Variants in CTNND2 observed in about 807,000 individuals in gnomAD.
CTNND2 encodes catenin delta 2.
CTNND2 carries 22 observed loss-of-function variants against 144.4 expected under a neutral mutation model. The observed-to-expected ratio is 0.15, with a 90% CI of 0.11 to 0.22. The LOEUF (loss-of-function observed/expected upper bound fraction) is 0.22, where lower values mean the gene tolerates loss of function less well. CTNND2 is among the 10% of genes least tolerant of loss of function. CTNND2 has a pLI of 1.00. For synonymous variants in CTNND2, 751 were observed against 695.6 expected, an observed-to-expected ratio of 1.08 and a Z score of -1.25; for missense variants, 1,353 against 1,618.8, an observed-to-expected ratio of 0.84 and a Z score of 2.82.
Position 11,381,063 on chromosome 5 carries a change from GTTCT to G in CTNND2, c.1177+3598_1177+3601del, listed in dbSNP as rs1383412542. ...GTTGTTGGGTGGGTGGCATCCTTGA[GTTCT>G]TTTTCTCTTACCTTCATCACCTAGT... On this transcript the variant is annotated intron_variant, in intron 7 of 21. Transcript: ENST00000304623. Among the ~76,000 whole-genome samples, 15 of 152,218 alleles carry G rather than the reference GTTCT, an allele frequency of 9.9e-5. 1 individual carries two copies. In the Middle Eastern group the frequency reaches 0.01, roughly 104 times the overall value.
intron 12 of CTNND2, among the ~76,000 whole-genome samples, chr5:11,144,277 C>T (rs534344496): frequency 6.6e-6 from 1 of 152,308 alleles, no homozygotes; most frequent in South Asian, 2.1e-4. Flanking sequence ...TAGTCCTAAA[C>T]TTGGGAGAAG....
intron 18 of CTNND2, among the ~76,000 whole-genome samples, chr5:10,994,377 C>G (rs888666368): frequency 1.9e-3 from 11 of 5,886 alleles, no homozygotes; most frequent in East Asian, 9.7e-3. Context: ...GAGGAAGGGG[C>G]CGGGGAAAGA....
chr5:11,030,013 G>A (rs1360236788), intron 16 of CTNND2, among the ~76,000 whole-genome samples: 1 of 150,450 alleles, frequency 6.6e-6, no homozygotes, highest in Non-Finnish European at 1.5e-5. Flanking sequence ...CACTTCTGCT[G>A]GACATAGGAT....
chr5:11,005,096 T>C (rs1460857838), intron 18 of CTNND2, among the ~76,000 whole-genome samples: 1 of 152,214 alleles, frequency 6.6e-6, no homozygotes, highest in African/African-American at 2.4e-5. Flanking sequence ...AGGAAGTTTT[T>C]CTGGAGGGTG....
At chr5:11,003,617 G>A (rs1740185905) in intron 18 of CTNND2, among the ~76,000 whole-genome samples, 1 of 152,200 alleles carries the variant, frequency 6.6e-6, no homozygotes, top group African/African-American at 2.4e-5. Flanking sequence ...GACCAAGCCA[G>A]ATTTTGCTTA....
intron 15 of CTNND2, among the ~76,000 whole-genome samples, chr5:11,097,951 T>G (rs1751516482): frequency 6.6e-6 from 1 of 152,200 alleles, no homozygotes; most frequent in African/African-American, 2.4e-5. Context: ...ATGGTGAATC[T>G]CTTTTTGCCC....
intron 7 of CTNND2, among the ~76,000 whole-genome samples, chr5:11,377,875 A>G (rs938735917): frequency 2.6e-5 from 4 of 152,192 alleles, no homozygotes; most frequent in African/African-American, 7.2e-5. Flanking sequence ...TAGAGGTGCT[A>G]TATCAAATGA....
Position 11,117,467 on chromosome 5 carries a change from T to C in CTNND2, c.2260A>G (p.Ser754Gly). The change falls in exon 13 of 22, where the codon AGT becomes GGT. Residue 754 changes from serine (S) to glycine (G), a missense_variant. Ser to Gly is a moderately conservative substitution (Grantham distance 56). This residue lies in a region of CTNND2 where 459 missense variants were observed against 674.3 expected (regional missense o/e 0.68). Transcript: ENST00000304623. The part of the protein sequence containing the change: ...LYVIQSALGS[S>G]EIDSKTVENC... ...CAACCAACCTTGCTATCGATCTCAC[T>C]GCTCCCCAGCGCAGACTGGATCACG... The C allele has an allele frequency of 6.2e-7, 1 of 1,614,004 alleles. No homozygotes were observed. The highest frequency in any genetic ancestry group is 8.5e-7 in the Non-Finnish European group (1 of 1,179,878).
At chr5:11,506,471 T>A (rs1194383886) in intron 3 of CTNND2, among the ~76,000 whole-genome samples, 2 of 152,150 alleles carry the variant, frequency 1.3e-5, no homozygotes, top group Non-Finnish European at 2.9e-5. Context: ...GATGAACAAG[T>A]CTGGAGAGGA....
chr5:11,302,698 C>T (rs1441877808), intron 9 of CTNND2, among the ~76,000 whole-genome samples: 1 of 152,166 alleles, frequency 6.6e-6, no homozygotes, highest in Non-Finnish European at 1.5e-5. Context: ...AGGACAATTT[C>T]AAGATGTGAC....
chr5:11,661,269 A>G (rs1468062655), intron 2 of CTNND2, among the ~76,000 whole-genome samples: 1 of 152,204 alleles, frequency 6.6e-6, no homozygotes, highest in Non-Finnish European at 1.5e-5. Context: ...CAGATTAAGG[A>G]AAGTCACAGA....
At chr5:11,328,826 G>A (rs1752796587) in intron 9 of CTNND2, among the ~76,000 whole-genome samples, 1 of 152,336 alleles carries the variant, frequency 6.6e-6, no homozygotes, top group Admixed American at 6.5e-5. Flanking sequence ...GCTGTGTCCA[G>A]TGTGTTTCAT....
chr5:11,230,290 C>T (rs1002406198), intron 10 of CTNND2, among the ~76,000 whole-genome samples: 5 of 150,196 alleles, frequency 3.3e-5, no homozygotes, highest in Non-Finnish European at 5.9e-5. Context: ...GTGGGTGCAG[C>T]GCACCAGCAT....
intron 2 of CTNND2, among the ~76,000 whole-genome samples, chr5:11,646,216 T>G (rs752106781): frequency 9.3e-4 from 141 of 152,176 alleles, no homozygotes; most frequent in Admixed American, 3.0e-3. Flanking sequence ...GCTGAATATT[T>G]ACCATGTTAT....
intron 1 of CTNND2, among the ~76,000 whole-genome samples, chr5:11,795,724 A>C (rs1791365757): frequency 6.6e-6 from 1 of 152,264 alleles, no homozygotes; most frequent in Non-Finnish European, 1.5e-5. Context: ...CTTAAAATCC[A>C]AAATGTTATT....
chr5:11,584,004 A>C (rs1778635757), intron 2 of CTNND2, among the ~76,000 whole-genome samples: 1 of 152,204 alleles, frequency 6.6e-6, no homozygotes, highest in Admixed American at 6.5e-5. Context: ...TTTTGGAAGA[A>C]GTACTCCACG....
chr5:11,644,704 A>T (rs893923795), intron 2 of CTNND2, among the ~76,000 whole-genome samples: 1 of 151,982 alleles, frequency 6.6e-6, no homozygotes, highest in Non-Finnish European at 1.5e-5. Flanking sequence ...ACCAAGCAAT[A>T]TATGTTATTT....
At chr5:11,258,535 T>C (rs1210629950) in intron 9 of CTNND2, among the ~76,000 whole-genome samples, 1 of 152,238 alleles carries the variant, frequency 6.6e-6, no homozygotes, top group Non-Finnish European at 1.5e-5. Context: ...AACCTGGTCA[T>C]CACTTCATCC....
intron 2 of CTNND2, among the ~76,000 whole-genome samples, chr5:11,658,266 A>G (rs1374375415): frequency 6.6e-6 from 1 of 152,052 alleles, no homozygotes; most frequent in Non-Finnish European, 1.5e-5. Flanking sequence ...CTGTTGACTC[A>G]TGATCCATTG....
Sources: allele counts gnomAD v4.1 joint callset (sites outside exome capture counted in the v4.1 genomes callset), GRCh38; gene constraint gnomAD v4.1.1; regional missense constraint gnomAD v4.1.1; transcripts MANE v1.5; gene names NCBI Gene and HGNC (gene_info 2026-07-23, HGNC 2026-07-21).